The following PALD1 variants were observed in gnomAD, a reference collection of about 807,000 sequenced individuals.
PALD1 encodes paladin.
PALD1 carries 57 observed loss-of-function variants against 96.0 expected under a neutral mutation model. The ratio of observed to expected loss-of-function variants is 0.59; its 90% confidence interval spans 0.48 to 0.74. The LOEUF (loss-of-function observed/expected upper bound fraction) is 0.74, where lower values mean the gene tolerates loss of function less well. Among genes scored for constraint, PALD1 ranks in the 30% least tolerant of loss-of-function variants. PALD1 has a pLI of 0.00. For missense variants in PALD1, 1,063 were observed against 1,143.7 expected, an observed-to-expected ratio of 0.93 and a Z score of 1.02; for synonymous variants, 464 against 473.6, an observed-to-expected ratio of 0.98 and a Z score of 0.26.
At chr10:70,482,624 T>C (rs1013455040) in intron 1 of PALD1, among the ~76,000 whole-genome samples, 13 of 152,104 alleles carry the variant, frequency 8.5e-5, no homozygotes, top group African/African-American at 3.1e-4. Context: ...GCCTCGACCA[T>C]CTTCCTACCT....
intron 1 of PALD1, among the ~76,000 whole-genome samples, chr10:70,490,994 G>A (rs1212480805): frequency 2.0e-5 from 3 of 151,756 alleles, no homozygotes; most frequent in African/African-American, 4.8e-5. Flanking sequence ...TCGCTCTGTC[G>A]CCCAGGCATG....
At chr10:70,507,932 T>C (rs1015979170) in intron 1 of PALD1, among the ~76,000 whole-genome samples, 14 of 152,188 alleles carry the variant, frequency 9.2e-5, no homozygotes, top group African/African-American at 2.9e-4. Flanking sequence ...AGGATGCCAG[T>C]GAAGGCCAGC....
intron 2 of PALD1, among the ~76,000 whole-genome samples, chr10:70,527,554 G>A (rs1429893542): frequency 6.6e-6 from 1 of 152,180 alleles, no homozygotes; most frequent in Non-Finnish European, 1.5e-5. Flanking sequence ...GTTGCAACAG[G>A]CGCTGTATGG....
chr10:70,532,310 T>G (rs1847008876), intron 5 of PALD1, among the ~76,000 whole-genome samples: 1 of 152,190 alleles, frequency 6.6e-6, no homozygotes, highest in South Asian at 2.1e-4. Flanking sequence ...CCAGGCCTCC[T>G]GTGTGCTCTG....
intron 1 of PALD1, among the ~76,000 whole-genome samples, chr10:70,503,905 T>C (rs1846340789): frequency 1.3e-5 from 2 of 152,238 alleles, no homozygotes; most frequent in African/African-American, 4.8e-5. Flanking sequence ...ACGTCTTCTT[T>C]TATCCTTCCG....
At chr10:70,461,909 C>CA in the PALD1 span, among the ~76,000 whole-genome samples, 1 of 152,214 alleles carries the variant, frequency 6.6e-6, no homozygotes, top group Non-Finnish European at 1.5e-5. Flanking sequence ...CCTCCCACCT[C>CA]AGGCTCCCGA....
At chr10:70,541,776 C>T (rs374147182) in intron 17 of PALD1, among the ~76,000 whole-genome samples, 36 of 152,306 alleles carry the variant, frequency 2.4e-4, no homozygotes, top group East Asian at 1.7e-3. Context: ...CCCTGCCCGG[C>T]CTTGCTGTTG....
intron 1 of PALD1, among the ~76,000 whole-genome samples, chr10:70,481,325 C>G (rs7915565): frequency 0.71 from 108,072 of 152,134 alleles, 39,914 homozygotes; most frequent in Non-Finnish European, 0.84. Context: ...CACTGTTTCC[C>G]TGCGTGGCAC....
chr10:70,470,609 T>A, the PALD1 span, among the ~76,000 whole-genome samples: 3 of 148,528 alleles, frequency 2.0e-5, no homozygotes, highest in Non-Finnish European at 3.0e-5. Flanking sequence ...TATTATTTTT[T>A]ATTATATTTT....
chr10:70,538,536 G>A (rs1264626786), intron 12 of PALD1, 128 bp downstream of exon 12: 2 of 987,578 alleles, frequency 2.0e-6, no homozygotes, highest in African/African-American at 3.2e-5. Context: ...GGCTGTGGGT[G>A]TTGGGATCCT....
upstream of PALD1, among the ~76,000 whole-genome samples, chr10:70,474,618 A>G (rs1165086468): frequency 6.6e-6 from 1 of 152,160 alleles, no homozygotes; most frequent in Non-Finnish European, 1.5e-5. Context: ...TTTGTGAATA[A>G]CACACATTCA....
intron 1 of PALD1, among the ~76,000 whole-genome samples, chr10:70,515,613 G>A (rs1846605547): frequency 6.6e-6 from 1 of 152,222 alleles, no homozygotes; most frequent in South Asian, 2.1e-4. Flanking sequence ...GGGGGATGAG[G>A]TCAGGGCAGA....
At chr10:70,505,278 G>A (rs1193220433) in intron 1 of PALD1, among the ~76,000 whole-genome samples, 1 of 152,132 alleles carries the variant, frequency 6.6e-6, no homozygotes, top group Non-Finnish European at 1.5e-5. Flanking sequence ...GAAGGGACAG[G>A]CTCACTTTAC....
Position 70,501,185 on chromosome 10 carries a change from G to T in PALD1, c.-30+22126G>T, listed in dbSNP as rs547556281. On this transcript the variant is annotated intron_variant, in intron 1 of 19. Coordinates refer to ENST00000263563, the MANE Select transcript of PALD1 (RefSeq NM_014431.3). ...CAGGGAGGGGAGAGAACTTCCTGGG[G>T]TCAGGCCTCCAGACCACACTCCAAT... Among the ~76,000 whole-genome samples, 5 of 152,280 alleles carry T rather than the reference G, an allele frequency of 3.3e-5. No individual in the cohort carries two copies. The South Asian group carries it at 1.0e-3, about 32-fold the overall frequency.
At chr10:70,490,079 T>C (rs1846075134) in intron 1 of PALD1, among the ~76,000 whole-genome samples, 1 of 152,084 alleles carries the variant, frequency 6.6e-6, no homozygotes, top group South Asian at 2.1e-4. Context: ...CCTGCCACCA[T>C]GCCCAGCTAA....
rs1368821442 is a variant in PALD1, at chr10:70,540,092, G to GT, written c.1908+331dup. Among the ~76,000 whole-genome samples, 1 of 151,950 alleles carries GT rather than the reference G, an allele frequency of 6.6e-6. No homozygotes were observed. The highest frequency in any genetic ancestry group is 1.9e-4 in the East Asian group (1 of 5,198). ...GTTTATTATGTTGTAGGGTGTATGT[G>GT]TGTGTATTGTGTTATGGGTGTGTGT... On this transcript the variant is annotated intron_variant, in intron 15 of 19. Transcript: ENST00000263563. This position sits in a 1 kb window ranked among gnomAD's most constrained non-coding sequence, Gnocchi z 4.2.
intron 17 of PALD1, among the ~76,000 whole-genome samples, chr10:70,543,121 G>A (rs1487338125): frequency 6.7e-6 from 1 of 149,486 alleles, no homozygotes; most frequent in Non-Finnish European, 1.5e-5. Flanking sequence ...GTATATTGTG[G>A]CTTTGATTTG....
At chr10:70,560,580 T>C (rs1338751440) in intron 18 of PALD1, among the ~76,000 whole-genome samples, 1 of 151,808 alleles carries the variant, frequency 6.6e-6, no homozygotes, top group Admixed American at 6.6e-5. Flanking sequence ...CAGGTGGCAC[T>C]CAGTAGACCC....
At chr10:70,502,849 T>C (rs1397516987) in intron 1 of PALD1, among the ~76,000 whole-genome samples, 3 of 152,158 alleles carry the variant, frequency 2.0e-5, no homozygotes, top group Admixed American at 2.0e-4. Flanking sequence ...ATGGTTTTCA[T>C]TGTTTCTGGG....
Sources: allele counts gnomAD v4.1 joint callset (sites outside exome capture counted in the v4.1 genomes callset), GRCh38; gene constraint gnomAD v4.1.1; non-coding constraint Gnocchi (gnomAD v3.1); transcripts MANE v1.5; gene names NCBI Gene and HGNC (gene_info 2026-07-23, HGNC 2026-07-21).